Variants in CHPF observed in about 807,000 individuals in gnomAD.
CHPF encodes chondroitin polymerizing factor.
A neutral mutation model predicts 55.1 loss-of-function variants in CHPF; 34 were observed. The observed-to-expected ratio is 0.62, with a 90% CI of 0.47 to 0.82. CHPF has a LOEUF of 0.82. CHPF is among the 40% of genes least tolerant of loss of function. The pLI, the probability that CHPF is intolerant of heterozygous loss-of-function variation, is 0.00. For synonymous variants in CHPF, 489 were observed against 496.6 expected, an observed-to-expected ratio of 0.98 and a Z score of 0.20; for missense variants, 961 against 1,106.1, an observed-to-expected ratio of 0.87 and a Z score of 1.86.
intron 1 of CHPF, among the ~76,000 whole-genome samples, chr2:219,542,392 G>A (rs1294177080): frequency 1.3e-5 from 2 of 152,184 alleles, no homozygotes; most frequent in East Asian, 3.8e-4. Context: ...TTGCATTTGG[G>A]AGATGGCAAT....
rs1574502548 is a variant in CHPF, at chr2:219,543,574, C to A, written c.-36G>T. 7.6e-7 allele frequency: 1 copy of A among 1,316,588 alleles called. No homozygotes were observed. The highest frequency in any genetic ancestry group is 9.7e-7 in the Non-Finnish European group (1 of 1,035,658). 81.6% of individuals were successfully genotyped at this position (1,316,588 alleles called of 1,614,324 possible). On this transcript the variant is annotated 5_prime_UTR_variant, in exon 1 of 4. Coordinates refer to ENST00000243776, the MANE Select transcript of CHPF (RefSeq NM_024536.6). ...CCGCGGGTCCCCGGCCCCGGCGAAC[C>A]CCCAGAGCAGCCAGAGGAGTCTCCG...
chr2:219,542,933 C>G, intron 1 of CHPF: 1 of 1,244,002 alleles, frequency 8.0e-7, no homozygotes, highest in Non-Finnish European at 1.0e-6. Context: ...AGTCATTTCT[C>G]TAACACCAGC....
Position 219,539,145 on chromosome 2 carries a change from A to G in CHPF, c.*238T>C. 1.8e-6 allele frequency: 1 copy of G among 543,252 alleles called. No homozygotes were observed. Among genetic ancestry groups the G allele is most frequent in the South Asian group, 2.6e-5 (1 of 37,884 alleles). 33.7% of individuals were successfully genotyped at this position (543,252 alleles called of 1,614,324 possible). ...ATACGTGGAGGCCACAGCCCGAATC[A>G]GCAGCGTCAGGGGGCAGGGAAACTG... On this transcript the variant is annotated 3_prime_UTR_variant, in exon 4 of 4. Transcript: ENST00000243776.
chr2:219,541,787 G>A lies in CHPF; in HGVS notation c.717C>T (p.Pro239=), dbSNP rs1695274339. ...CAAAGCCTCCGTGGCAGTAGCGGCCGGGGGTGGGCTCTCCGCCGATGAAGT... is the reference window on the plus strand; with the variant it reads ...CAAAGCCTCCGTGGCAGTAGCGGCCAGGGGTGGGCTCTCCGCCGATGAAGT... ...PQDFIGGEPT[P]GRYCHGGFGV... Residue 239 remains proline, a synonymous_variant, in exon 2 of 4, where the codon CCC becomes CCT. Coordinates refer to ENST00000243776, the MANE Select transcript of CHPF (RefSeq NM_024536.6). 2 of 1,607,036 alleles carry A rather than the reference G, an allele frequency of 1.2e-6. No individual in the cohort carries two copies. Among genetic ancestry groups the A allele is most frequent in the Non-Finnish European group, 1.7e-6 (2 of 1,176,434 alleles).
chr2:219,541,104 C>T lies in CHPF; in HGVS notation c.910G>A (p.Glu304Lys). The T allele has an allele frequency of 6.2e-7, 1 of 1,608,800 alleles. No homozygotes were observed. Residue 304 changes from glutamate to lysine, a missense_variant, in exon 3 of 4, where the codon GAG becomes AAG. By Grantham distance (56) the Glu-to-Lys change is moderately conservative. Around this residue, in one of 3 missense-constraint regions of CHPF, gnomAD observed 936 missense variants for 1,058.4 expected, o/e 0.88. Coordinates refer to ENST00000243776, the MANE Select transcript of CHPF (RefSeq NM_024536.6). Reference protein sequence around the residue: ...DHEGVHYSHLELSPGEPVQEG... With the variant: ...DHEGVHYSHLKLSPGEPVQEG... ...TGCACTGGCTCCCCAGGGCTCAGCT[C>T]CAGATGGCTATAGTGCACCCCCTGG...
In CHPF at chr2:219,541,823, G is replaced by C; in HGVS notation, c.681C>G (p.Gly227=). Residue 227 remains glycine (G), a synonymous_variant, in exon 2 of 4, where the codon GGC becomes GGG. Coordinates refer to ENST00000243776, the MANE Select transcript of CHPF (RefSeq NM_024536.6). The part of the protein sequence containing the change: ...SLASAAHLYL[G]RPQDFIGGEP... ...CTCCGCCGATGAAGTCCTGGGGCCG[G>C]CCCAGGTACAGGTGGGCGGCGGAGG... is the stretch of plus-strand genomic sequence containing the variant. The C allele has an allele frequency of 6.2e-7, 1 of 1,608,260 alleles. No individual in the cohort carries two copies. The highest frequency in any genetic ancestry group is 8.5e-7 in the Non-Finnish European group (1 of 1,177,290).
chr2:219,540,830 G>C lies in CHPF; in HGVS notation c.1068+116C>G, dbSNP rs1695254962. 3.6e-6 allele frequency: 5 copies of C among 1,394,586 alleles called. No individual in the cohort carries two copies. The South Asian group carries it at 3.9e-5, about 11-fold the overall frequency. 86.4% of individuals were successfully genotyped at this position (1,394,586 alleles called of 1,614,324 possible). Reference sequence around the variant, plus strand: ...ATCAGAGAATGTAGAAACAGGCAGGGGCTGGGAAGTAGTTTTGTTCTGTGA... The same window carrying C: ...ATCAGAGAATGTAGAAACAGGCAGGCGCTGGGAAGTAGTTTTGTTCTGTGA... On this transcript the variant is annotated intron_variant, in intron 3 of 3. Coordinates refer to ENST00000243776, the MANE Select transcript of CHPF (RefSeq NM_024536.6).
Position 219,541,646 on chromosome 2 carries a change from G to A in CHPF, c.858C>T (p.Ala286=). 3 of 1,592,736 alleles carry A rather than the reference G, an allele frequency of 1.9e-6. No individual in the cohort carries two copies. The highest frequency in any genetic ancestry group is 2.6e-6 in the Non-Finnish European group (3 of 1,166,626). Residue 286 remains alanine, a synonymous_variant, in exon 2 of 4, where the codon GCC becomes GCT. Coordinates refer to ENST00000243776, the MANE Select transcript of CHPF (RefSeq NM_024536.6). The part of the protein sequence containing the change: ...DEWLGRCILD[A]TGVGCTGDHE... ...GGTCACCAGTGCAGCCCACCCCGGT[G>A]GCATCGAGAATGCAGCGACCCAGCC...
In CHPF at chr2:219,541,111, G is replaced by A. The variant is rs1695261273; in HGVS notation, c.903C>T (p.Ser301=). The A allele has an allele frequency of 6.2e-7, 1 of 1,604,034 alleles. No homozygotes were observed. Among genetic ancestry groups the A allele is most frequent in the Admixed American group, 1.7e-5 (1 of 57,148 alleles). ...CTGDHEGVHY[S]HLELSPGEPV... ...GCTCCCCAGGGCTCAGCTCCAGATG[G>A]CTATAGTGCACCCCCTGGGGAGAGG... Residue 301 remains serine (S), a synonymous_variant, in exon 3 of 4, where the codon AGC becomes AGT. Transcript: ENST00000243776.
At chr2:219,541,301 C>T (rs903963900) in intron 2 of CHPF, among the ~76,000 whole-genome samples, 176 bp from the exon 3 acceptor site, 1 of 152,234 alleles carries the variant, frequency 6.6e-6, no homozygotes, top group South Asian at 2.1e-4. Flanking sequence ...GCTAGCTCAT[C>T]TGCGAAATGG....
At position 219,543,433 on chromosome 2, in the gene CHPF, C is replaced by A; in HGVS notation, c.106G>T (p.Glu36Ter). Reference protein sequence around the residue: ...LSLLSVTWVEEPCGPGPPQPG... With the variant: ...LSLLSVTWVE ...TGGGGCGGGCCTGGGCCGCACGGCT[C>A]CTCCACCCAGGTGACGCTGAGCAGG... is the stretch of plus-strand genomic sequence containing the variant. Residue 36 changes from glutamate (E) to a stop codon, truncating the protein, a stop_gained, in exon 1 of 4, where the codon GAG (glutamate) becomes TAG (stop). Coordinates refer to ENST00000243776, the MANE Select transcript of CHPF (RefSeq NM_024536.6). LOFTEE classifies it high-confidence loss of function. The A allele has an allele frequency of 6.6e-7, 1 of 1,516,854 alleles. No individual in the cohort carries two copies. The highest frequency in any genetic ancestry group is 2.0e-5 in the Admixed American group (1 of 48,852). 94.0% of individuals were successfully genotyped at this position (1,516,854 alleles called of 1,614,324 possible). A position where few individuals can be genotyped will look rare whatever the true frequency, so the allele number is the denominator to read the frequency against.
Position 219,539,236 on chromosome 2 carries a change from C to CCAGAGAGGGGA in CHPF, c.*146_*147insTCCCCTCTCTG, listed in dbSNP as rs1327739069. On this transcript the variant is annotated 3_prime_UTR_variant, in exon 4 of 4. Coordinates refer to ENST00000243776, the MANE Select transcript of CHPF (RefSeq NM_024536.6). ...CCAGTGCTTGTCCAGAGCCCAGGGA[C>CCAGAGAGGGGA]CCACAGAGCCAGAGAGGGGACCAGT... 7 of 743,308 alleles carry CCAGAGAGGGGA rather than the reference C, an allele frequency of 9.4e-6. No homozygotes were observed. Among genetic ancestry groups the CCAGAGAGGGGA allele is most frequent in the Admixed American group, 3.0e-5 (1 of 33,784 alleles). 46.0% of individuals were successfully genotyped at this position (743,308 alleles called of 1,614,324 possible).
In CHPF at chr2:219,539,069, GC is replaced by G; in HGVS notation, c.*313del. Reference sequence around the variant, plus strand: ...TCCCCAACAACTCTTCTACAGCCCAGCCCCCAGGGCCCAGAGGCAGGGCTGG... The same window carrying G: ...TCCCCAACAACTCTTCTACAGCCCAGCCCCAGGGCCCAGAGGCAGGGCTGG... On this transcript the variant is annotated 3_prime_UTR_variant, in exon 4 of 4. Transcript: ENST00000243776. 1 of 325,386 alleles carries G rather than the reference GC, an allele frequency of 3.1e-6. No homozygotes were observed. Among genetic ancestry groups the G allele is most frequent in the Non-Finnish European group, 5.6e-6 (1 of 177,506 alleles). 20.2% of individuals were successfully genotyped at this position (325,386 alleles called of 1,614,324 possible).
chr2:219,541,124 C>T lies in CHPF; in HGVS notation c.890G>A (p.Gly297Glu). Reference protein sequence around the residue: ...TGVGCTGDHEGVHYSHLELSP... With the variant: ...TGVGCTGDHEEVHYSHLELSP... ...CAGCTCCAGATGGCTATAGTGCACCCCCTGGGGAGAGGAAGGGAAGGGATC... is the reference window on the plus strand; with the variant it reads ...CAGCTCCAGATGGCTATAGTGCACCTCCTGGGGAGAGGAAGGGAAGGGATC... The change falls in exon 3 of 4, where the codon GGG becomes GAG. Residue 297 changes from glycine (G) to glutamate (E), a missense_variant and splice_region_variant. Around this residue, in one of 3 missense-constraint regions of CHPF, gnomAD observed 936 missense variants for 1,058.4 expected, o/e 0.88. Coordinates refer to ENST00000243776, the MANE Select transcript of CHPF (RefSeq NM_024536.6). 2 of 1,583,900 alleles carry T rather than the reference C, an allele frequency of 1.3e-6. No individual in the cohort carries two copies. The highest frequency in any genetic ancestry group is 1.2e-5 in the South Asian group (1 of 86,802).
In CHPF at chr2:219,540,372, G is replaced by A; in HGVS notation, c.1339C>T (p.Gln447Ter). 2 of 1,614,048 alleles carry A rather than the reference G, an allele frequency of 1.2e-6. No homozygotes were observed. The highest frequency in any genetic ancestry group is 8.5e-7 in the Non-Finnish European group (1 of 1,180,002). Residue 447 changes from glutamine (Q) to a stop codon, truncating the protein, a stop_gained, in exon 4 of 4, where the codon CAG becomes TAG. Coordinates refer to ENST00000243776, the MANE Select transcript of CHPF (RefSeq NM_024536.6). LOFTEE classifies it high-confidence loss of function. ...YHPALRLQKQ[Q>*]LVNGYRRFDP... ...AAGCGTCGGTAGCCATTCACCAGCTGCTGCTTCTGGAGCCGCAAGGCCGGG... is the reference window on the plus strand; with the variant it reads ...AAGCGTCGGTAGCCATTCACCAGCTACTGCTTCTGGAGCCGCAAGGCCGGG...
Position 219,539,261 on chromosome 2 carries a change from TG to T in CHPF, c.*121del. The T allele has an allele frequency of 1.0e-6, 1 of 954,748 alleles. No individual in the cohort carries two copies. The allele number at this position is 954,748 out of a possible 1,614,324, so 59.1% of individuals were successfully genotyped here. On this transcript the variant is annotated 3_prime_UTR_variant, in exon 4 of 4. Transcript: ENST00000243776. ...CCCACAGAGCCAGAGAGGGGACCAGTGGGCCAGCTTGGGGTCTGGCTACGGC... is the reference window on the plus strand; with the variant it reads ...CCCACAGAGCCAGAGAGGGGACCAGTGGCCAGCTTGGGGTCTGGCTACGGC...
chr2:219,542,262 G>A, intron 1 of CHPF, 73 bp from the exon 2 acceptor site: 2 of 1,000,792 alleles, frequency 2.0e-6, no homozygotes, highest in Non-Finnish European at 1.4e-6. Context: ...GGTCAGCACA[G>A]ACCCTGGCAG....
rs907591853 is a variant in CHPF, at chr2:219,540,465, C to G, written c.1246G>C (p.Gly416Arg). 3 of 1,614,006 alleles carry G rather than the reference C, an allele frequency of 1.9e-6. No homozygotes were observed. Among genetic ancestry groups the G allele is most frequent in the Non-Finnish European group, 2.5e-6 (3 of 1,179,990 alleles). The change falls in exon 4 of 4, where the codon GGG becomes CGG. Residue 416 changes from glycine to arginine, a missense_variant. Gly to Arg is a moderately radical substitution (Grantham distance 125). This residue lies in a region of CHPF where 936 missense variants were observed against 1,058.4 expected (regional missense o/e 0.88). Transcript: ENST00000243776. ...ADGSPRCPLR[G>R]ADRADVADVL... ...TCGGCCACATCAGCCCGGTCAGCCC[C>G]ACGCAGTGGGCAGCGGGGTGAGCCA...
chr2:219,543,347 C>G lies in CHPF; in HGVS notation c.192G>C (p.Ser64=). Reference sequence around the variant, plus strand: ...TCTCGCGCTCCGCTCCGGGCTGCACCGAGTTGGGCCGGCGCGCCGCGTTGG... The same window carrying G: ...TCTCGCGCTCCGCTCCGGGCTGCACGGAGTTGGGCCGGCGCGCCGCGTTGG... The part of the protein sequence containing the change: ...GNTNAARRPN[S]VQPGAEREKP... The change falls in exon 1 of 4, where the codon TCG becomes TCC. Residue 64 remains serine (S), a synonymous_variant. Transcript: ENST00000243776. 4 of 1,564,806 alleles carry G rather than the reference C, an allele frequency of 2.6e-6. No homozygotes were observed. Among genetic ancestry groups the G allele is most frequent in the Non-Finnish European group, 2.6e-6 (3 of 1,165,440 alleles).
Sources: gnomAD v4.1 joint callset for allele counts (sites outside exome capture counted in the v4.1 genomes callset) on GRCh38, gnomAD v4.1.1 for gene constraint, gnomAD v4.1.1 regional missense constraint, MANE v1.5 for transcripts, NCBI Gene and HGNC (gene_info 2026-07-23, HGNC 2026-07-21) for gene names.